The following PSIP1 variants were observed in gnomAD, a reference collection of about 807,000 sequenced individuals.
The protein encoded by PSIP1 is PC4 and SFRS1-interacting protein.
A neutral mutation model predicts 74.7 loss-of-function variants in PSIP1; 19 were observed. The observed-to-expected ratio is 0.25, with a 90% CI of 0.18 to 0.37. The LOEUF (loss-of-function observed/expected upper bound fraction) is 0.37, where lower values mean the gene tolerates loss of function less well. Among genes scored for constraint, PSIP1 ranks in the 10% least tolerant of loss-of-function variants. The pLI, the probability that PSIP1 is intolerant of heterozygous loss-of-function variation, is 1.00. For missense variants in PSIP1, 601 were observed against 614.3 expected (o/e 0.98, Z 0.23); for synonymous variants, 222 against 195.3 (o/e 1.14, Z -1.14).
Position 15,486,004 on chromosome 9 carries a change from A to G in PSIP1, c.456+2T>C. On this transcript the variant is annotated splice_donor_variant, in intron 6 of 15. Transcript: ENST00000380733. LOFTEE classifies it high-confidence loss of function. The stretch of plus-strand genomic sequence containing the variant: ...CCATGGTTGGTAAGTCAGTGAAATT[A>G]CCTTTCTCTTTCTCCCCCTTCTGGC... 6.2e-7 allele frequency: 1 copy of G among 1,602,074 alleles called. No homozygotes were observed. Among genetic ancestry groups the G allele is most frequent in the Non-Finnish European group, 8.5e-7 (1 of 1,169,954 alleles).
chr9:15,466,679 GGAACA>G, intron 15 of PSIP1, 64 bp downstream of exon 15: 2 of 1,224,918 alleles, frequency 1.6e-6, no homozygotes, highest in African/African-American at 1.6e-5. Context: ...AGATAACCTT[GGAACA>G]GAACTGTGAT....
chr9:15,471,097 T>A, intron 10 of PSIP1: 1 of 1,557,550 alleles, frequency 6.4e-7, no homozygotes, highest in Non-Finnish European at 8.7e-7. Context: ...AAGGGGGAAA[T>A]TCAGTCCAAT....
chr9:15,496,687 G>A (rs2037089687), intron 3 of PSIP1, among the ~76,000 whole-genome samples: 1 of 152,126 alleles, frequency 6.6e-6, no homozygotes, highest in Admixed American at 6.6e-5. Flanking sequence ...TTCAACTGAT[G>A]TCATACATAA....
At chr9:15,499,188 ACTTTC>A (rs1376134045) in intron 3 of PSIP1, among the ~76,000 whole-genome samples, 3 of 152,198 alleles carry the variant, frequency 2.0e-5, no homozygotes, top group African/African-American at 4.8e-5. Flanking sequence ...GAGGTTTTGG[ACTTTC>A]CTTTAACCAT....
rs963164136 is a variant in PSIP1 at position 15,464,559 on chromosome 9, C to T, written c.*961G>A. 1.0e-5 allele frequency: 2 copies of T among 198,938 alleles called. No homozygotes were observed. The highest frequency in any genetic ancestry group is 1.0e-5 in the Non-Finnish European group (1 of 96,616). 12.3% of individuals were successfully genotyped at this position (198,938 alleles called of 1,614,324 possible). On this transcript the variant is annotated 3_prime_UTR_variant, in exon 16 of 16. Coordinates refer to ENST00000380733, the MANE Select transcript of PSIP1 (RefSeq NM_033222.5). ...ATTTTTGGAATCTAGAAAATAAAAA[C>T]AATATAGCCATGATTTCAAATAGGT...
intron 6 of PSIP1, among the ~76,000 whole-genome samples, chr9:15,485,109 G>A (rs7874115): frequency 0.043 from 6,471 of 152,020 alleles, 463 homozygotes; most frequent in African/African-American, 0.15. Flanking sequence ...TTTAAAAGGA[G>A]GTATCTAAAA....
At chr9:15,469,402 C>A in intron 11 of PSIP1, 66 bp from the exon 12 acceptor site, 1 of 981,182 alleles carries the variant, frequency 1.0e-6, no homozygotes, top group African/African-American at 1.7e-5. Flanking sequence ...TATATACAGG[C>A]TAAGTATAAT....
intron 8 of PSIP1, 84 bp downstream of exon 8, chr9:15,478,393 A>G: frequency 9.5e-7 from 1 of 1,057,398 alleles, no homozygotes; most frequent in Admixed American, 2.1e-5. Flanking sequence ...TGTAAGAGAA[A>G]ACTGATAAAA....
At chr9:15,471,928 G>C (rs1039932109) in intron 10 of PSIP1, 2 of 980,666 alleles carry the variant, frequency 2.0e-6, no homozygotes, top group Non-Finnish European at 2.4e-6. Context: ...AAGCATGTCA[G>C]AGAAAGAACT....
At chr9:15,488,837 C>A (rs187835075) in intron 4 of PSIP1, among the ~76,000 whole-genome samples, 139 of 151,866 alleles carry the variant, frequency 9.2e-4, no homozygotes, top group Non-Finnish European at 1.6e-3. Context: ...CTGGCTAACA[C>A]GGTGAAACCC....
intron 5 of PSIP1, 150 bp from the exon 6 acceptor site, chr9:15,486,218 TC>T (rs2036552089): frequency 1.7e-6 from 1 of 572,058 alleles, no homozygotes; most frequent in Admixed American, 3.6e-5. Flanking sequence ...AAACATTGTG[TC>T]TCAACATTAT....
intron 14 of PSIP1, among the ~76,000 whole-genome samples, chr9:15,467,145 C>T (rs893966780): frequency 2.0e-5 from 3 of 152,118 alleles, no homozygotes; most frequent in Non-Finnish European, 2.9e-5. Flanking sequence ...GATTATTAAT[C>T]TGATTATTCT....
At chr9:15,471,138 T>G in intron 10 of PSIP1, 2 of 1,604,900 alleles carry the variant, frequency 1.2e-6, no homozygotes, top group Non-Finnish European at 1.7e-6. Flanking sequence ...ATCTCTTGTT[T>G]GCTCCACTTG....
chr9:15,465,595 G>A lies in PSIP1; in HGVS notation c.1533-15C>T. On this transcript the variant is annotated splice_polypyrimidine_tract_variant and intron_variant, in intron 15 of 15. Transcript: ENST00000380733. Reference sequence around the variant, plus strand: ...CACTGGATGGCCTGAAGAAAAGGGGGAAAGGTACAACTGGAATTAGGATTT... The same window carrying A: ...CACTGGATGGCCTGAAGAAAAGGGGAAAAGGTACAACTGGAATTAGGATTT... 6.4e-7 allele frequency: 1 copy of A among 1,555,942 alleles called. No homozygotes were observed. Among genetic ancestry groups the A allele is most frequent in the Non-Finnish European group, 8.8e-7 (1 of 1,135,116 alleles).
At chr9:15,488,104 G>A (rs1587503853) in intron 4 of PSIP1, among the ~76,000 whole-genome samples, 1 of 152,096 alleles carries the variant, frequency 6.6e-6, no homozygotes. Flanking sequence ...GCTGAGGTGG[G>A]TGGATCACGA....
intron 2 of PSIP1, among the ~76,000 whole-genome samples, chr9:15,508,152 G>A (rs900904336): frequency 6.6e-6 from 1 of 152,180 alleles, no homozygotes; most frequent in East Asian, 1.9e-4. Context: ...GAATGTTTAA[G>A]ACTTAAAAAT....
chr9:15,498,442 A>G (rs2037183409), intron 3 of PSIP1, among the ~76,000 whole-genome samples: 2 of 152,020 alleles, frequency 1.3e-5, no homozygotes, highest in Admixed American at 1.3e-4. Context: ...CAAAAAAACA[A>G]AGAGTAAGAT....
At chr9:15,493,199 C>G (rs1163984517) in intron 3 of PSIP1, among the ~76,000 whole-genome samples, 2 of 152,190 alleles carry the variant, frequency 1.3e-5, no homozygotes, top group Admixed American at 6.5e-5. Context: ...GCCAGATACC[C>G]TAAATCATCT....
At chr9:15,486,405 T>C (rs1295684132) in intron 5 of PSIP1, among the ~76,000 whole-genome samples, 1 of 152,192 alleles carries the variant, frequency 6.6e-6, no homozygotes, top group Non-Finnish European at 1.5e-5. Context: ...ACATTGAAGA[T>C]CATCTAACAA....
Sources: gnomAD v4.1 joint callset for allele counts (sites outside exome capture counted in the v4.1 genomes callset) on GRCh38, gnomAD v4.1.1 for gene constraint, MANE v1.5 for transcripts, NCBI Gene and HGNC (gene_info 2026-07-23, HGNC 2026-07-21) for gene names.